DDX10: variants seen among roughly 807,000 people sequenced by gnomAD.
DDX10 encodes DEAD-box helicase 10.
DDX10 carries 74 observed loss-of-function variants against 104.3 expected under a neutral mutation model. The observed-to-expected ratio is 0.71, with a 90% CI of 0.59 to 0.86. The LOEUF (loss-of-function observed/expected upper bound fraction) is 0.86. Ranked by LOEUF, DDX10 falls within the 40% of genes least tolerant of loss-of-function variation. The pLI is 0.00. For synonymous variants in DDX10, 351 were observed against 353.4 expected (o/e 0.99, Z 0.08); for missense variants, 952 against 1,040.0 (o/e 0.92, Z 1.16).
chr11:108,897,094 A>G (rs1409171139), intron 16 of DDX10, among the ~76,000 whole-genome samples: 1 of 152,164 alleles, frequency 6.6e-6, no homozygotes, highest in Non-Finnish European at 1.5e-5. Context: ...GGTACCTTCC[A>G]AGTGACTCAA....
At chr11:108,837,620 T>A (rs1862574141) in intron 13 of DDX10, among the ~76,000 whole-genome samples, 1 of 114,922 alleles carries the variant, frequency 8.7e-6, no homozygotes, top group Non-Finnish European at 1.8e-5. Flanking sequence ...TTTTTTTTTT[T>A]TTTTTTTTTT....
intron 11 of DDX10, among the ~76,000 whole-genome samples, chr11:108,716,504 A>AT (rs1016489455): frequency 7.9e-5 from 12 of 152,262 alleles, no homozygotes; most frequent in African/African-American, 2.9e-4. Flanking sequence ...CTCAAATGTG[A>AT]TTTTTTGGAT....
At position 108,909,961 on chromosome 11, in the gene DDX10, A is replaced by C. The variant is rs188935991; in HGVS notation, c.2305-7912A>C. On this transcript the variant is annotated intron_variant, in intron 16 of 17. Transcript: ENST00000322536. The stretch of plus-strand genomic sequence containing the variant: ...GTAAACAGGTGTCTTACATTATCAC[A>C]TGTGAGATTTGAAATCTATTTCAGA... Among the ~76,000 whole-genome samples, 137 of 152,256 alleles carry C rather than the reference A, an allele frequency of 9.0e-4. 1 individual carries two copies. The highest frequency in any genetic ancestry group is 3.2e-3 in the African/African-American group (134 of 41,536).
At chr11:108,754,646 G>A (rs1286084644) in intron 13 of DDX10, among the ~76,000 whole-genome samples, 1 of 151,960 alleles carries the variant, frequency 6.6e-6, no homozygotes, top group Non-Finnish European at 1.5e-5. Context: ...CTAGAGTATA[G>A]CCTTAGGTAT....
At chr11:108,807,343 C>T (rs552162984) in intron 13 of DDX10, among the ~76,000 whole-genome samples, 1 of 151,972 alleles carries the variant, frequency 6.6e-6, no homozygotes, top group South Asian at 2.1e-4. Flanking sequence ...GTTATGGGTT[C>T]AAATTTATAT....
At chr11:108,806,179 T>G (rs926298806) in intron 13 of DDX10, among the ~76,000 whole-genome samples, 5 of 152,154 alleles carry the variant, frequency 3.3e-5, no homozygotes, top group African/African-American at 9.7e-5. Context: ...GCTAGGCTGG[T>G]CTCGAACTCC....
intron 13 of DDX10, among the ~76,000 whole-genome samples, chr11:108,818,461 C>A (rs1307421602): frequency 6.6e-6 from 1 of 152,134 alleles, no homozygotes; most frequent in African/African-American, 2.4e-5. Flanking sequence ...GGGTGAGTTT[C>A]ATAACATAAC....
chr11:108,703,144 C>T (rs2094270891), intron 9 of DDX10, among the ~76,000 whole-genome samples: 1 of 152,016 alleles, frequency 6.6e-6, no homozygotes, highest in Non-Finnish European at 1.5e-5. Context: ...ATGTTCTCAC[C>T]ACAAAAATGA....
chr11:108,866,412 G>A (rs575332696), intron 16 of DDX10, among the ~76,000 whole-genome samples: 37 of 152,146 alleles, frequency 2.4e-4, no homozygotes, highest in African/African-American at 8.9e-4. Context: ...TTAATGGGGC[G>A]GGCTGGAGCA....
At chr11:108,914,452 A>C (rs971794179) in intron 16 of DDX10, among the ~76,000 whole-genome samples, 3 of 152,162 alleles carry the variant, frequency 2.0e-5, no homozygotes, top group African/African-American at 7.2e-5. Context: ...GGCTCAGGGG[A>C]GACCCATAGG....
Position 108,940,369 on chromosome 11 carries a change from G to A in DDX10, c.2574G>A (p.Leu858=), listed in dbSNP as rs1012157718. The A allele has an allele frequency of 4.3e-6, 7 of 1,613,956 alleles. No homozygotes were observed. Among genetic ancestry groups the A allele is most frequent in the Non-Finnish European group, 5.9e-6 (7 of 1,180,014 alleles). The change falls in exon 18 of 18, where the codon CTG becomes CTA. Residue 858 remains leucine, a synonymous_variant. Coordinates refer to ENST00000322536, the MANE Select transcript of DDX10 (RefSeq NM_004398.4). ...CTTTAGAGCCTTTGGATACCGGCCT[G>A]TCTTTAGCAGAGGATGAAGAGCTGG... ...WDTLEPLDTG[L]SLAEDEELVL...
chr11:108,725,268 T>C (rs192546882), intron 13 of DDX10, among the ~76,000 whole-genome samples: 4 of 152,276 alleles, frequency 2.6e-5, no homozygotes, highest in Non-Finnish European at 5.9e-5. Flanking sequence ...AAAGTCATTA[T>C]AAACATATAC....
At chr11:108,713,855 G>A (rs914610875) in intron 10 of DDX10, among the ~76,000 whole-genome samples, 1 of 152,158 alleles carries the variant, frequency 6.6e-6, no homozygotes, top group Admixed American at 6.5e-5. Context: ...GTAGGTCTCA[G>A]TCTTTTTGTG....
chr11:108,837,744 T>A (rs550728326), intron 13 of DDX10, among the ~76,000 whole-genome samples: 1 of 148,662 alleles, frequency 6.7e-6, no homozygotes, highest in Non-Finnish European at 1.5e-5. Flanking sequence ...TGCCTCAGCC[T>A]CCTGAGTAGC....
At chr11:108,666,916 T>C (rs1318656236) in intron 1 of DDX10, among the ~76,000 whole-genome samples, 2 of 152,190 alleles carry the variant, frequency 1.3e-5, no homozygotes, top group African/African-American at 4.8e-5. Flanking sequence ...ACATCCTAGC[T>C]CCACCATCTC....
At chr11:108,724,696 A>G (rs546252293) in intron 13 of DDX10, among the ~76,000 whole-genome samples, 1 of 152,214 alleles carries the variant, frequency 6.6e-6, no homozygotes, top group African/African-American at 2.4e-5. Context: ...AATCATGAAC[A>G]TAACCAAAGC....
chr11:108,676,551 T>A (rs1445474855), intron 3 of DDX10, among the ~76,000 whole-genome samples: 1 of 152,158 alleles, frequency 6.6e-6, no homozygotes, highest in Non-Finnish European at 1.5e-5. Context: ...GTTCAAGCGA[T>A]TCTTTCTGCC....
chr11:108,789,593 C>T (rs184879530), intron 13 of DDX10, among the ~76,000 whole-genome samples: 36 of 152,292 alleles, frequency 2.4e-4, no homozygotes, highest in Admixed American at 2.1e-3. Flanking sequence ...TTGTCTGGCT[C>T]ATGTAAAATT....
intron 16 of DDX10, among the ~76,000 whole-genome samples, chr11:108,909,699 C>G (rs879643688): frequency 6.6e-6 from 1 of 152,148 alleles, no homozygotes; most frequent in Non-Finnish European, 1.5e-5. Context: ...GGACTGAGCC[C>G]TTGACCTGTG....
Sources: gnomAD v4.1 joint callset for allele counts (sites outside exome capture counted in the v4.1 genomes callset) on GRCh38, gnomAD v4.1.1 for gene constraint, MANE v1.5 for transcripts, NCBI Gene and HGNC (gene_info 2026-07-23, HGNC 2026-07-21) for gene names.